LRRC4C: variants seen among roughly 807,000 people sequenced by gnomAD.
LRRC4C encodes leucine-rich repeat-containing protein 4C.
In LRRC4C, 5 loss-of-function variants were observed where a neutral mutation model predicts 33.6. The observed-to-expected ratio is 0.15, with a 90% CI of 0.08 to 0.31. The LOEUF is 0.31. Among genes scored for constraint, LRRC4C ranks in the 10% least tolerant of loss-of-function variants. The pLI is 1.00. For missense variants in LRRC4C, 560 were observed against 796.7 expected (o/e 0.70, Z 3.58); for synonymous variants, 329 against 302.0 (o/e 1.09, Z -0.93).
At chr11:41,343,895 A>G (rs1392882525) in intron 1 of LRRC4C, among the ~76,000 whole-genome samples, 3 of 152,206 alleles carry the variant, frequency 2.0e-5, no homozygotes, top group African/African-American at 7.2e-5. Flanking sequence ...TCTAATTAGC[A>G]TATCATATTT....
intron 3 of LRRC4C, among the ~76,000 whole-genome samples, chr11:40,507,264 T>C (rs531778244): frequency 1.3e-5 from 2 of 152,038 alleles, no homozygotes; most frequent in Non-Finnish European, 2.9e-5. Context: ...CTGGTTTAGG[T>C]ATATACAAGG....
chr11:40,446,254 C>T (rs1434750395), intron 3 of LRRC4C: 1 of 152,104 alleles, frequency 6.6e-6, no homozygotes, highest in Non-Finnish European at 1.5e-5. Context: ...CTGAAATGCT[C>T]ATGATTTCTG....
At chr11:41,366,658 G>T (rs1343755573) in intron 1 of LRRC4C, among the ~76,000 whole-genome samples, 2 of 152,072 alleles carry the variant, frequency 1.3e-5, no homozygotes, top group African/African-American at 2.4e-5. Context: ...TCTATTAGTA[G>T]ATAAGGTCTT....
At chr11:40,367,539 TAAGAA>T (rs927689646) in intron 3 of LRRC4C, among the ~76,000 whole-genome samples, 6 of 152,086 alleles carry the variant, frequency 3.9e-5, no homozygotes, top group Non-Finnish European at 7.4e-5. Context: ...CAATCTGGAT[TAAGAA>T]AAGAAAAGTG....
intron 3 of LRRC4C, chr11:40,447,291 G>C (rs1951681088): frequency 6.6e-6 from 1 of 152,460 alleles, no homozygotes; most frequent in African/African-American, 2.4e-5. Flanking sequence ...ATTTCTTCTT[G>C]CTTTGGAAAC....
At chr11:41,072,485 G>GT (rs568081457) in intron 1 of LRRC4C, among the ~76,000 whole-genome samples, 4 of 151,944 alleles carry the variant, frequency 2.6e-5, no homozygotes, top group Non-Finnish European at 5.9e-5. Flanking sequence ...AGATATGGTT[G>GT]TTTAATAGTC....
At chr11:41,139,114 G>T (rs1943393737) in intron 1 of LRRC4C, among the ~76,000 whole-genome samples, 1 of 151,978 alleles carries the variant, frequency 6.6e-6, no homozygotes, top group African/African-American at 2.4e-5. Context: ...TATATAAAGT[G>T]CTTCTTTCTT....
chr11:40,369,265 C>T (rs1487169857), intron 3 of LRRC4C, among the ~76,000 whole-genome samples: 1 of 152,168 alleles, frequency 6.6e-6, no homozygotes, highest in Non-Finnish European at 1.5e-5. Flanking sequence ...CATTTCTCTT[C>T]AGCTATCAGG....
intron 1 of LRRC4C, among the ~76,000 whole-genome samples, chr11:41,408,184 G>A (rs540794491): frequency 2.6e-5 from 4 of 152,276 alleles, no homozygotes; most frequent in Admixed American, 1.3e-4. Flanking sequence ...ATTCCAAGCC[G>A]GTTGTATTTA....
At chr11:41,030,315 C>G (rs141029793) in intron 1 of LRRC4C, among the ~76,000 whole-genome samples, 1,592 of 151,816 alleles carry the variant, frequency 0.01, 14 homozygotes, top group Middle Eastern at 0.027. Flanking sequence ...AATATTAAAC[C>G]TAAGGGAGAA....
At chr11:40,592,829 C>G (rs1306828159) in intron 3 of LRRC4C, among the ~76,000 whole-genome samples, 1 of 152,168 alleles carries the variant, frequency 6.6e-6, no homozygotes, top group African/African-American at 2.4e-5. Context: ...TGAACCAGCT[C>G]TACTGGGTGT....
At chr11:40,271,530 G>C (rs1942697859) in intron 4 of LRRC4C, among the ~76,000 whole-genome samples, 1 of 152,136 alleles carries the variant, frequency 6.6e-6, no homozygotes, top group Non-Finnish European at 1.5e-5. Context: ...AATAACTTGT[G>C]CTGAACTGAA....
intron 3 of LRRC4C, among the ~76,000 whole-genome samples, chr11:40,355,792 A>G (rs1256832887): frequency 6.6e-6 from 1 of 152,084 alleles, no homozygotes; most frequent in Non-Finnish European, 1.5e-5. Flanking sequence ...TGTGATCACA[A>G]ACCTGATTTT....
At chr11:40,717,632 G>A (rs1232193905) in intron 2 of LRRC4C, among the ~76,000 whole-genome samples, 6 of 152,110 alleles carry the variant, frequency 3.9e-5, no homozygotes, top group Non-Finnish European at 8.8e-5. Flanking sequence ...GTAGGTACCA[G>A]TCACTGCGCT....
intron 2 of LRRC4C, among the ~76,000 whole-genome samples, chr11:40,705,021 C>T (rs757723305): frequency 7.9e-5 from 12 of 151,992 alleles, no homozygotes; most frequent in South Asian, 2.1e-4. Context: ...TAATTACAGG[C>T]CTTTACACAC....
intron 1 of LRRC4C, among the ~76,000 whole-genome samples, chr11:40,971,891 G>T (rs577961925): frequency 6.6e-6 from 1 of 152,290 alleles, no homozygotes; most frequent in South Asian, 2.1e-4. Flanking sequence ...TGACTCTCCT[G>T]CTGGTTTTCA....
chr11:41,254,637 T>C (rs1948743220), intron 1 of LRRC4C, among the ~76,000 whole-genome samples: 1 of 151,986 alleles, frequency 6.6e-6, no homozygotes. Flanking sequence ...CTCTCTTTAC[T>C]CCAAGACCAT....
chr11:40,811,682 G>A (rs1348266155), intron 2 of LRRC4C, among the ~76,000 whole-genome samples: 5 of 152,090 alleles, frequency 3.3e-5, no homozygotes, highest in Non-Finnish European at 5.9e-5. Flanking sequence ...TATTTTAGTA[G>A]AGAAGGGTTT....
intron 3 of LRRC4C, among the ~76,000 whole-genome samples, chr11:40,344,870 G>T (rs1947051214): frequency 6.6e-6 from 1 of 152,070 alleles, no homozygotes; most frequent in Admixed American, 6.6e-5. Context: ...CATCCAAGCT[G>T]AGAGCCAAAT....
Sources: gnomAD v4.1 joint callset for allele counts (sites outside exome capture counted in the v4.1 genomes callset) on GRCh38, gnomAD v4.1.1 for gene constraint, MANE v1.5 for transcripts, NCBI Gene and HGNC (gene_info 2026-07-23, HGNC 2026-07-21) for gene names.